The following P4HA3 variants were observed in gnomAD, a reference collection of about 807,000 sequenced individuals.
The protein encoded by P4HA3 is prolyl 4-hydroxylase subunit alpha 3, also known as prolyl 4-hydroxylase subunit alpha-3.
A neutral mutation model predicts 66.7 loss-of-function variants in P4HA3; 60 were observed. The observed-to-expected ratio is 0.90, with a 90% CI of 0.73 to 1.12. P4HA3 has a LOEUF of 1.12. Among genes scored for constraint, P4HA3 ranks in the 50% most tolerant of loss-of-function variants. P4HA3 has a pLI of 0.00. For missense variants in P4HA3, 683 were observed against 685.8 expected, an observed-to-expected ratio of 1.00 and a Z score of 0.05; for synonymous variants, 263 against 274.6, an observed-to-expected ratio of 0.96 and a Z score of 0.42.
Position 74,289,145 on chromosome 11 carries a change from AAAAAG to A in P4HA3, c.718-20_718-16del, listed in dbSNP as rs1433755515. ...ACATTTCCTGCCTGTTAAAAAAAAA[AAAAAG>A]AAAAGAAAGCATTAACTTCACTGAG... On this transcript the variant is annotated splice_polypyrimidine_tract_variant and intron_variant, in intron 4 of 12. Coordinates refer to ENST00000331597, the MANE Select transcript of P4HA3 (RefSeq NM_182904.5). The A allele has an allele frequency of 1.3e-6, 2 of 1,570,106 alleles. No individual in the cohort carries two copies. Among genetic ancestry groups the A allele is most frequent in the South Asian group, 1.2e-5 (1 of 83,318 alleles).
At chr11:74,299,611 C>T (rs561249131) in intron 3 of P4HA3, among the ~76,000 whole-genome samples, 2 of 148,956 alleles carry the variant, frequency 1.3e-5, no homozygotes, top group Admixed American at 6.7e-5. Flanking sequence ...TCCTTCCGAA[C>T]ACAAATTCGG....
chr11:74,290,390 A>C lies in P4HA3; in HGVS notation c.718-1260T>G, dbSNP rs868651037. On this transcript the variant is annotated intron_variant, in intron 4 of 12. Coordinates refer to ENST00000331597, the MANE Select transcript of P4HA3 (RefSeq NM_182904.5). ...TTGCGAAAATTTTCTCCCATTTTGTAGGTTGCCTGTTCACTCTGATGGTAG... is the reference window on the plus strand; with the variant it reads ...TTGCGAAAATTTTCTCCCATTTTGTCGGTTGCCTGTTCACTCTGATGGTAG... 9.6e-3 allele frequency among the ~76,000 whole-genome samples: 1,440 copies of C among 149,842 alleles called. 22 individuals are homozygous for C. The highest frequency in any genetic ancestry group is 0.031 in the African/African-American group (1,286 of 40,938).
Position 74,311,399 on chromosome 11 carries a change from G to T in P4HA3, c.200+13C>A. 1 of 1,494,634 alleles carries T rather than the reference G, an allele frequency of 6.7e-7. No individual in the cohort carries two copies. Among genetic ancestry groups the T allele is most frequent in the South Asian group, 1.3e-5 (1 of 76,598 alleles). The allele number at this position is 1,494,634 out of a possible 1,614,324, so 92.6% of individuals were successfully genotyped here. A position where few individuals can be genotyped will look rare whatever the true frequency, so the allele number is the denominator to read the frequency against. On this transcript the variant is annotated intron_variant, in intron 1 of 12. Transcript: ENST00000331597. ...TGAGGCCCCTCGGTCGCTCCCACTC[G>T]TCGTGCCCTCACCTAGTCAGGTCCC...
At chr11:74,266,333 T>G (rs1191902716), downstream of P4HA3, among the ~76,000 whole-genome samples, 2 of 152,176 alleles carry the variant, frequency 1.3e-5, no homozygotes, top group Non-Finnish European at 2.9e-5. Flanking sequence ...TATAAAATGG[T>G]GTAGTATTTG....
chr11:74,299,658 T>C lies in P4HA3; in HGVS notation c.568-1297A>G, dbSNP rs1330180206. 3.7e-5 allele frequency among the ~76,000 whole-genome samples: 5 copies of C among 135,020 alleles called. No homozygotes were observed. The East Asian group carries it at 8.4e-4, about 23-fold the overall frequency. 88.6% of individuals were successfully genotyped at this position (135,020 alleles called of 152,430 possible). A position where few individuals can be genotyped will look rare whatever the true frequency, so the allele number is the denominator to read the frequency against. On this transcript the variant is annotated intron_variant, in intron 3 of 12. Coordinates refer to ENST00000331597, the MANE Select transcript of P4HA3 (RefSeq NM_182904.5). The stretch of plus-strand genomic sequence containing the variant: ...AAACTATAAAAAGCGTTTTATTATA[T>C]ATTTTCAAGAAAAAAAAAAAAAAAA...
Position 74,251,664 on chromosome 11 carries a change from C to G in P4HA3, c.*1319-3663G>C, listed in dbSNP as rs758544967. On this transcript the variant is annotated intron_variant and NMD_transcript_variant, in intron 15 of 15. Transcript: ENST00000524388. ...CATTTCCAGGTAGCTGAAGCTGTTG[C>G]CACTTTCCTGATCCGGCACAGGTTT... 3.1e-6 allele frequency: 5 copies of G among 1,613,628 alleles called. No individual in the cohort carries two copies. Among genetic ancestry groups the G allele is most frequent in the African/African-American group, 2.7e-5 (2 of 74,928 alleles).
At chr11:74,269,093 T>G (rs1310562575) in intron 11 of P4HA3, among the ~76,000 whole-genome samples, 1 of 152,210 alleles carries the variant, frequency 6.6e-6, no homozygotes, top group African/African-American at 2.4e-5. Context: ...TTCATTTCAT[T>G]CCTAAATTAG....
chr11:74,263,249 C>A (rs1859937304), downstream of P4HA3, among the ~76,000 whole-genome samples: 1 of 152,236 alleles, frequency 6.6e-6, no homozygotes, highest in African/African-American at 2.4e-5. Flanking sequence ...GATCACTCGA[C>A]AAGTGTTCAC....
At position 74,267,311 on chromosome 11, in the gene P4HA3, G is replaced by T. The variant is rs755737893; in HGVS notation, c.1572C>A (p.Asn524Lys). 2 of 1,614,144 alleles carry T rather than the reference G, an allele frequency of 1.2e-6. No individual in the cohort carries two copies. Among genetic ancestry groups the T allele is most frequent in the Non-Finnish European group, 1.7e-6 (2 of 1,179,996 alleles). The change falls in exon 13 of 13, where the codon AAC (asparagine) becomes AAA (lysine). Residue 524 changes from asparagine (N) to lysine (K), a missense_variant. Transcript: ENST00000331597. ...CCTGTCCATACTCATGTATCCACTT[G>T]TTGGCCACTGGGAGAGAACAGGGAA... is the stretch of plus-strand genomic sequence containing the variant. ...PVLVGDKWVA[N>K]KWIHEYGQEF...
chr11:74,266,974 C>T lies in P4HA3; in HGVS notation c.*274G>A, dbSNP rs1260952790. The T allele has an allele frequency of 2.1e-6, 3 of 1,440,330 alleles. No individual in the cohort carries two copies. The highest frequency in any genetic ancestry group is 1.4e-5 in the African/African-American group (1 of 70,698). The allele number at this position is 1,440,330 out of a possible 1,614,324, so 89.2% of individuals were successfully genotyped here. Reference sequence around the variant, plus strand: ...ATGTCCTGTTCCCAACAGAGAGTATCTGAACTCCAGAAACTTCCCTCTCAG... The same window carrying T: ...ATGTCCTGTTCCCAACAGAGAGTATTTGAACTCCAGAAACTTCCCTCTCAG... On this transcript the variant is annotated 3_prime_UTR_variant, in exon 13 of 13. Coordinates refer to ENST00000331597, the MANE Select transcript of P4HA3 (RefSeq NM_182904.5).
intron 9 of P4HA3, among the ~76,000 whole-genome samples, chr11:74,274,305 T>C (rs956761270): frequency 3.3e-5 from 4 of 122,654 alleles, no homozygotes. Flanking sequence ...TTTTTTTTTG[T>C]TTTTTTTTTT....
chr11:74,280,484 T>C (rs1352033620), intron 7 of P4HA3, among the ~76,000 whole-genome samples: 1 of 152,138 alleles, frequency 6.6e-6, no homozygotes, highest in Non-Finnish European at 1.5e-5. Context: ...ATAAAGTGTC[T>C]CCTAATTGCA....
intron 7 of P4HA3, 133 bp downstream of exon 7, chr11:74,285,676 T>A (rs1277569750): frequency 1.1e-6 from 1 of 945,558 alleles, no homozygotes; most frequent in East Asian, 2.4e-5. Flanking sequence ...ACTAGTTTTA[T>A]GGAATGGTTG....
Position 74,302,563 on chromosome 11 carries a change from G to C in P4HA3, c.373C>G (p.Gln125Glu). ...ALKDGYEKVE[Q>E]DLPAFEDLEG... is the part of the protein sequence containing the mutation. The stretch of plus-strand genomic sequence containing the variant: ...AGGTCCTCAAAGGCTGGAAGGTCTT[G>C]CTCCACCTTCTCATAGCCATCCTTC... The change falls in exon 3 of 13, where the codon CAA (glutamine) becomes GAA (glutamate). Residue 125 changes from glutamine to glutamate, a missense_variant. Transcript: ENST00000331597. 4 of 1,614,132 alleles carry C rather than the reference G, an allele frequency of 2.5e-6. No individual in the cohort carries two copies. In the South Asian group the frequency reaches 4.4e-5, roughly 18 times the overall value.
chr11:74,252,147 C>T (rs1333782675), intron 15 of P4HA3, among the ~76,000 whole-genome samples: 1 of 146,168 alleles, frequency 6.8e-6, no homozygotes, highest in African/African-American at 2.6e-5. Context: ...TGGTTCACTG[C>T]AACCTCTGCC....
At chr11:74,303,541 G>A (rs1037375974) in intron 2 of P4HA3, among the ~76,000 whole-genome samples, 1 of 151,428 alleles carries the variant, frequency 6.6e-6, no homozygotes, top group Non-Finnish European at 1.5e-5. Context: ...CCAAAGTGCT[G>A]GGATTACAGG....
At chr11:74,276,480 A>G (rs1860400598) in intron 9 of P4HA3, among the ~76,000 whole-genome samples, 1 of 152,134 alleles carries the variant, frequency 6.6e-6, no homozygotes. Flanking sequence ...TTAGCCCAGG[A>G]GTTCAAGACT....
chr11:74,255,862 A>G (rs112691430), intron 15 of P4HA3: 8 of 462,380 alleles, frequency 1.7e-5, no homozygotes, highest in African/African-American at 1.4e-4. Flanking sequence ...AGGGTAGTTC[A>G]TGAGCTCCCT....
At chr11:74,271,029 A>G (rs192160546) in intron 10 of P4HA3, among the ~76,000 whole-genome samples, 1 of 152,356 alleles carries the variant, frequency 6.6e-6, no homozygotes, top group East Asian at 1.9e-4. Context: ...CAAGAGTGCC[A>G]GTTTTACCTC....
Sources: allele counts gnomAD v4.1 joint callset (sites outside exome capture counted in the v4.1 genomes callset), GRCh38; gene constraint gnomAD v4.1.1; transcripts MANE v1.5; gene names NCBI Gene and HGNC (gene_info 2026-07-23, HGNC 2026-07-21).